STAU2: variants seen among roughly 807,000 people sequenced by gnomAD.
STAU2 encodes the protein double-stranded RNA-binding protein Staufen homolog 2.
In STAU2, 20 loss-of-function variants were observed where a neutral mutation model predicts 65.9. The observed-to-expected ratio is 0.30, with a 90% CI of 0.21 to 0.44. STAU2 has a LOEUF of 0.44. Ranked by LOEUF, STAU2 falls within the 20% of genes least tolerant of loss-of-function variation. The pLI, the probability that STAU2 is intolerant of heterozygous loss-of-function variation, is 1.00. For synonymous variants in STAU2, 232 were observed against 233.9 expected (o/e 0.99, Z 0.07); for missense variants, 558 against 683.9 (o/e 0.82, Z 2.05).
chr8:73,532,054 C>T (rs1197808342), intron 13 of STAU2, among the ~76,000 whole-genome samples: 1 of 152,136 alleles, frequency 6.6e-6, no homozygotes, highest in African/African-American at 2.4e-5. Flanking sequence ...ACCTGAAAAA[C>T]TGAATTCCCA....
chr8:73,625,622 A>G (rs967598020), intron 6 of STAU2, among the ~76,000 whole-genome samples: 1 of 152,212 alleles, frequency 6.6e-6, no homozygotes. Flanking sequence ...TTGAAATTAG[A>G]CCACGGTGAT....
At chr8:73,445,673 C>A (rs1382787009) in intron 13 of STAU2, among the ~76,000 whole-genome samples, 2 of 152,144 alleles carry the variant, frequency 1.3e-5, no homozygotes, top group South Asian at 4.1e-4. Context: ...TGGAAACAAA[C>A]AATCCAATTA....
intron 12 of STAU2, among the ~76,000 whole-genome samples, chr8:73,559,760 T>C (rs1241641335): frequency 6.6e-6 from 1 of 152,086 alleles, no homozygotes; most frequent in African/African-American, 2.4e-5. Flanking sequence ...ATCGAACAGG[T>C]AGTATTTGTA....
At chr8:73,559,274 C>T (rs746019089) in intron 12 of STAU2, among the ~76,000 whole-genome samples, 55 of 152,246 alleles carry the variant, frequency 3.6e-4, no homozygotes, top group Non-Finnish European at 5.3e-4. Context: ...TTTTTGAAAG[C>T]ACCGTTTTAT....
intron 11 of STAU2, among the ~76,000 whole-genome samples, chr8:73,594,924 G>T (rs1168877670): frequency 6.6e-6 from 1 of 152,020 alleles, no homozygotes. Context: ...TGTTAAATTG[G>T]TATTACATAA....
At chr8:73,636,987 C>A (rs1238998211) in intron 6 of STAU2, among the ~76,000 whole-genome samples, 1 of 98,786 alleles carries the variant, frequency 1.0e-5, no homozygotes, top group Non-Finnish European at 2.1e-5. Flanking sequence ...AAAAAGTAGC[C>A]AAACAAATTC....
intron 13 of STAU2, among the ~76,000 whole-genome samples, chr8:73,461,728 G>A (rs1005523215): frequency 6.6e-6 from 1 of 152,054 alleles, no homozygotes; most frequent in Non-Finnish European, 1.5e-5. Context: ...AGAAGCAGAA[G>A]CCAGGCAGGA....
chr8:73,672,295 G>T (rs1817739099), intron 6 of STAU2: 1 of 152,084 alleles, frequency 6.6e-6, no homozygotes, highest in Non-Finnish European at 1.5e-5. Flanking sequence ...TCAACAACAG[G>T]CAAAAACTAG....
At chr8:73,591,881 GTAAAAAAAAAAAA>G (rs1810805790) in intron 11 of STAU2, among the ~76,000 whole-genome samples, 1 of 35,586 alleles carries the variant, frequency 2.8e-5, no homozygotes, top group African/African-American at 1.3e-4. Flanking sequence ...TATCCCAGAG[GTAAAAAAAAAAAA>G]AAAAAAAAAA....
intron 6 of STAU2, among the ~76,000 whole-genome samples, chr8:73,632,079 A>G (rs1017028877): frequency 2.0e-5 from 3 of 152,128 alleles, no homozygotes; most frequent in Non-Finnish European, 1.5e-5. Flanking sequence ...CAAGAGAACA[A>G]GGGCAAAAAA....
intron 13 of STAU2, among the ~76,000 whole-genome samples, chr8:73,462,273 T>A (rs1042391200): frequency 7.2e-5 from 11 of 152,040 alleles, no homozygotes; most frequent in East Asian, 1.9e-4. Context: ...TCTTTTTTTT[T>A]AATAGAGACA....
chr8:73,443,925 C>T (rs903538458), intron 13 of STAU2, among the ~76,000 whole-genome samples: 5 of 151,990 alleles, frequency 3.3e-5, no homozygotes, highest in Non-Finnish European at 4.4e-5. Flanking sequence ...TAAACAAACA[C>T]TCCAGAACCT....
chr8:73,530,431 G>C (rs932881495), intron 13 of STAU2, among the ~76,000 whole-genome samples: 17 of 152,124 alleles, frequency 1.1e-4, no homozygotes, highest in Admixed American at 6.5e-5. Context: ...ACAAAGGATG[G>C]GGGAGTACAA....
intron 5 of STAU2, among the ~76,000 whole-genome samples, chr8:73,687,268 TAA>T (rs1491541223): frequency 2.1e-5 from 1 of 46,970 alleles, no homozygotes; most frequent in African/African-American, 7.5e-5. Context: ...ATATTTCTAT[TAA>T]TTTACATTTA....
intron 6 of STAU2, among the ~76,000 whole-genome samples, chr8:73,665,111 TA>T (rs572205428): frequency 2.0e-5 from 3 of 152,208 alleles, no homozygotes; most frequent in Non-Finnish European, 4.4e-5. Flanking sequence ...ATGAGAGTTT[TA>T]AAAAGACATT....
At chr8:73,595,015 CAT>C (rs1235415358) in intron 11 of STAU2, 149 bp downstream of exon 11, 2 of 538,094 alleles carry the variant, frequency 3.7e-6, no homozygotes, top group African/African-American at 1.9e-5. Flanking sequence ...CATCTTACTC[CAT>C]ATGTTATTTT....
chr8:73,489,489 T>C (rs764502606), intron 13 of STAU2, among the ~76,000 whole-genome samples: 4 of 152,000 alleles, frequency 2.6e-5, no homozygotes, highest in Non-Finnish European at 5.9e-5. Flanking sequence ...AACTACTTCA[T>C]GATGAATGAG....
At chr8:73,613,667 T>G (rs1812631146) in intron 9 of STAU2, 77 bp downstream of exon 9, 1 of 1,140,938 alleles carries the variant, frequency 8.8e-7, no homozygotes, top group Non-Finnish European at 1.2e-6. Context: ...GGATCTGCCT[T>G]ATAGAAAAAT....
chr8:73,443,629 A>G (rs923355027), intron 13 of STAU2, among the ~76,000 whole-genome samples: 1 of 152,176 alleles, frequency 6.6e-6, no homozygotes, highest in Non-Finnish European at 1.5e-5. Flanking sequence ...AGACAGGAGG[A>G]CTGCTTGAGG....
Sources: gnomAD v4.1 joint callset for allele counts (sites outside exome capture counted in the v4.1 genomes callset) on GRCh38, gnomAD v4.1.1 for gene constraint, MANE v1.5 for transcripts, NCBI Gene and HGNC (gene_info 2026-07-23, HGNC 2026-07-21) for gene names.